Variants in MFHAS1 observed in about 807,000 individuals in gnomAD.
MFHAS1 encodes malignant fibrous histiocytoma-amplified sequence 1.
MFHAS1 carries 50 observed loss-of-function variants against 70.4 expected under a neutral mutation model. The ratio of observed to expected loss-of-function variants is 0.71; its 90% confidence interval spans 0.57 to 0.90. The LOEUF (loss-of-function observed/expected upper bound fraction) is 0.90, where lower values mean the gene tolerates loss of function less well. MFHAS1 is among the 40% of genes least tolerant of loss of function. The probability of loss-of-function intolerance (pLI) is 0.00; values close to 1 mark genes in which losing one functional copy is unlikely to be tolerated. For synonymous variants in MFHAS1, 952 were observed against 620.0 expected, an observed-to-expected ratio of 1.54 and a Z score of -7.96; for missense variants, 1,795 against 1,347.6, an observed-to-expected ratio of 1.33 and a Z score of -5.20.
intron 1 of MFHAS1, among the ~76,000 whole-genome samples, chr8:8,826,147 A>T (rs1807151766): frequency 6.6e-6 from 1 of 152,084 alleles, no homozygotes. Context: ...GTGAAAAATA[A>T]ATGTCCACCT....
chr8:8,833,588 G>A (rs1320613413), intron 1 of MFHAS1, among the ~76,000 whole-genome samples: 2 of 151,928 alleles, frequency 1.3e-5, no homozygotes, highest in Non-Finnish European at 2.9e-5. Flanking sequence ...ACGATTGCAC[G>A]ACCACACTCT....
intron 1 of MFHAS1, among the ~76,000 whole-genome samples, chr8:8,819,376 T>A (rs532880768): frequency 2.0e-5 from 3 of 151,942 alleles, no homozygotes; most frequent in African/African-American, 4.8e-5. Context: ...GAGGCCGAGG[T>A]GGGCGGATCA....
intron 1 of MFHAS1, among the ~76,000 whole-genome samples, chr8:8,884,045 C>CAT (rs1809648380): frequency 1.2e-5 from 1 of 86,826 alleles, no homozygotes; most frequent in African/African-American, 6.9e-5. Context: ...TTCACAAACA[C>CAT]ACACACACAC....
chr8:8,855,364 A>G (rs1019190202), intron 1 of MFHAS1, among the ~76,000 whole-genome samples: 4 of 152,258 alleles, frequency 2.6e-5, no homozygotes, highest in Admixed American at 6.5e-5. Flanking sequence ...TGAAAGAGCC[A>G]GACCTGAACT....
At position 8,890,508 on chromosome 8, in the gene MFHAS1, G is replaced by T. The variant is rs1208417443; in HGVS notation, c.2551C>A (p.Pro851Thr). ...GGCACCTCGTTCTGCACATAGCATG[G>T]GAACTTGTACCAAGCTGTGGACCCA... The part of the protein sequence containing the change: ...LNGSTAWYKF[P>T]CYVQNEVPHA... The change falls in exon 1 of 3, where the codon CCA becomes ACA. Residue 851 changes from proline to threonine, a missense_variant. Physicochemically the swap from Pro to Thr is conservative, Grantham distance 38 (BLOSUM62 -1). Transcript: ENST00000276282. The T allele has an allele frequency of 1.2e-6, 2 of 1,613,624 alleles. No homozygotes were observed. Among genetic ancestry groups the T allele is most frequent in the South Asian group, 2.2e-5 (2 of 91,088 alleles).
chr8:8,797,556 GAC>G, intron 1 of MFHAS1, 65 bp from the exon 2 acceptor site: 2 of 1,546,962 alleles, frequency 1.3e-6, no homozygotes, highest in Non-Finnish European at 1.8e-6. Flanking sequence ...ATTTTACAAA[GAC>G]AGCACTGCCC....
chr8:8,787,281 C>T (rs975102018), intron 2 of MFHAS1, among the ~76,000 whole-genome samples: 14 of 152,092 alleles, frequency 9.2e-5, no homozygotes, highest in Admixed American at 3.3e-4. Flanking sequence ...GGGGTTTCAC[C>T]ATGTTAGCCA....
intron 1 of MFHAS1, among the ~76,000 whole-genome samples, chr8:8,832,351 A>C (rs750016852): frequency 2.6e-5 from 4 of 151,896 alleles, no homozygotes; most frequent in Admixed American, 6.6e-5. Context: ...GAATATATTT[A>C]AAAACTCATA....
intron 2 of MFHAS1, chr8:8,790,416 CA>C: frequency 1.0e-6 from 1 of 981,426 alleles, no homozygotes; most frequent in Non-Finnish European, 1.2e-6. Context: ...CTTAATTTTC[CA>C]AGAAAGTATG....
chr8:8,876,860 G>T (rs1809317091), intron 1 of MFHAS1, among the ~76,000 whole-genome samples: 1 of 151,990 alleles, frequency 6.6e-6, no homozygotes, highest in Non-Finnish European at 1.5e-5. Context: ...CTTGAACCCA[G>T]GAGGCAGAGG....
At chr8:8,889,798 G>A (rs1386306096) in intron 1 of MFHAS1, among the ~76,000 whole-genome samples, 1 of 152,192 alleles carries the variant, frequency 6.6e-6, no homozygotes, top group African/African-American at 2.4e-5. Flanking sequence ...GACAAGAGGG[G>A]AAAGGAGATG....
In MFHAS1 at chr8:8,866,205, C is replaced by T. The variant is rs377467829; in HGVS notation, c.2998+23856G>A. Among the ~76,000 whole-genome samples, 10 of 152,084 alleles carry T rather than the reference C, an allele frequency of 6.6e-5. No homozygotes were observed. The South Asian group carries it at 1.0e-3, about 16-fold the overall frequency. On this transcript the variant is annotated intron_variant, in intron 1 of 2. Transcript: ENST00000276282. Reference sequence around the variant, plus strand: ...GTTCAGTAAAATCAGTGTCATTTTGCCTGCGAAAAGCTCTCTAACTGATCC... The same window carrying T: ...GTTCAGTAAAATCAGTGTCATTTTGTCTGCGAAAAGCTCTCTAACTGATCC...
intron 1 of MFHAS1, among the ~76,000 whole-genome samples, chr8:8,884,429 A>T (rs1047127301): frequency 5.3e-5 from 8 of 152,236 alleles, no homozygotes; most frequent in African/African-American, 1.9e-4. Flanking sequence ...TTCAATCCAA[A>T]CAACTAGGTC....
intron 1 of MFHAS1, among the ~76,000 whole-genome samples, chr8:8,879,351 C>CA (rs201586596): frequency 1.1e-4 from 16 of 144,914 alleles, no homozygotes; most frequent in African/African-American, 1.8e-4. Flanking sequence ...ACTCCCATCT[C>CA]AAAAAAAAAA....
chr8:8,796,513 C>T (rs1281419232), intron 2 of MFHAS1, among the ~76,000 whole-genome samples: 1 of 148,784 alleles, frequency 6.7e-6, no homozygotes, highest in East Asian at 2.0e-4. Context: ...GAAACCCCGT[C>T]TCTACTAAAA....
Position 8,876,012 on chromosome 8 carries a change from T to C in MFHAS1, c.2998+14049A>G, listed in dbSNP as rs1329918302. ...GTTTTGATCCACAAACTTATCACTC[T>C]TCTAAAAGTATGTTTAGACTCTTGT... On this transcript the variant is annotated intron_variant, in intron 1 of 2. Transcript: ENST00000276282. 2.6e-5 allele frequency among the ~76,000 whole-genome samples: 4 copies of C among 152,230 alleles called. No homozygotes were observed. In the East Asian group the frequency reaches 7.7e-4, roughly 29 times the overall value.
rs755606448 is a variant in MFHAS1, at chr8:8,892,447, C to T, written c.612G>A (p.Val204=). 36 of 1,611,220 alleles carry T rather than the reference C, an allele frequency of 2.2e-5. No individual in the cohort carries two copies. Among genetic ancestry groups the T allele is most frequent in the Non-Finnish European group, 2.8e-5 (33 of 1,178,980 alleles). Residue 204 remains valine (V), a synonymous_variant, in exon 1 of 3, where the codon GTG becomes GTA. Coordinates refer to ENST00000276282, the MANE Select transcript of MFHAS1 (RefSeq NM_004225.3). This position sits in a 1 kb window ranked among gnomAD's most constrained non-coding sequence, Gnocchi z 4.7. ...TGGACACGTCCAGCTCCTCCAGGGCCACCAGCTGCAGCAGCTGCCGGGGGA... is the reference window on the plus strand; with the variant it reads ...TGGACACGTCCAGCTCCTCCAGGGCTACCAGCTGCAGCAGCTGCCGGGGGA... ...TAFPRQLLQL[V]ALEELDVSSN...
At chr8:8,853,127 C>A (rs1270242304) in intron 1 of MFHAS1, among the ~76,000 whole-genome samples, 2 of 152,056 alleles carry the variant, frequency 1.3e-5, no homozygotes, top group African/African-American at 2.4e-5. Context: ...TCTCCTACTA[C>A]ACAAACAAGG....
At chr8:8,864,433 G>A (rs1808783235) in intron 1 of MFHAS1, among the ~76,000 whole-genome samples, 1 of 152,104 alleles carries the variant, frequency 6.6e-6, no homozygotes, top group Non-Finnish European at 1.5e-5. Context: ...CTTCCTATCA[G>A]AATCACCAAG....
Sources: gnomAD v4.1 joint callset for allele counts (sites outside exome capture counted in the v4.1 genomes callset) on GRCh38, gnomAD v4.1.1 for gene constraint, Gnocchi (gnomAD v3.1) non-coding constraint, MANE v1.5 for transcripts, NCBI Gene and HGNC (gene_info 2026-07-23, HGNC 2026-07-21) for gene names.